RBFOX1: variants seen among roughly 807,000 people sequenced by gnomAD.
RBFOX1 encodes the protein RNA binding protein fox-1 homolog 1.
RBFOX1 carries 8 observed loss-of-function variants against 57.7 expected under a neutral mutation model. The ratio of observed to expected loss-of-function variants is 0.14; its 90% confidence interval spans 0.08 to 0.25. RBFOX1 has a LOEUF of 0.25. RBFOX1 is among the 10% of genes least tolerant of loss of function. RBFOX1 has a pLI of 1.00. For synonymous variants in RBFOX1, 326 were observed against 222.4 expected, an observed-to-expected ratio of 1.47 and a Z score of -4.15; for missense variants, 611 against 548.5, an observed-to-expected ratio of 1.11 and a Z score of -1.14.
At chr16:6,163,396 C>G (rs183627785) in intron 1 of RBFOX1, among the ~76,000 whole-genome samples, 8 of 152,296 alleles carry the variant, frequency 5.3e-5, no homozygotes, top group Admixed American at 4.6e-4. Flanking sequence ...ACAAAGGAAT[C>G]CTGTTTGAGC....
intron 3 of RBFOX1, among the ~76,000 whole-genome samples, chr16:5,726,632 A>G (rs2052162157): frequency 6.6e-6 from 1 of 152,156 alleles, no homozygotes; most frequent in African/African-American, 2.4e-5. Flanking sequence ...TTTGCTCTTG[A>G]CCTGTACACT....
chr16:6,542,699 A>G (rs2096839970), intron 2 of RBFOX1, among the ~76,000 whole-genome samples: 1 of 151,468 alleles, frequency 6.6e-6, no homozygotes, highest in African/African-American at 2.4e-5. Flanking sequence ...TCACTGTGTT[A>G]GCCAGGATGG....
chr16:6,443,303 C>G (rs1424300769), intron 2 of RBFOX1, among the ~76,000 whole-genome samples: 1 of 152,168 alleles, frequency 6.6e-6, no homozygotes, highest in East Asian at 1.9e-4. Context: ...CGTTCATTCT[C>G]TTTTCCCTAC....
At chr16:6,773,851 A>G (rs751658894) in intron 3 of RBFOX1, 1 of 534,228 alleles carries the variant, frequency 1.9e-6, no homozygotes, top group South Asian at 8.2e-5. Context: ...TTGTGTGTAT[A>G]TATGTGTGGA....
intron 4 of RBFOX1, among the ~76,000 whole-genome samples, chr16:7,409,223 G>C (rs2098396537): frequency 6.6e-6 from 1 of 152,202 alleles, no homozygotes; most frequent in South Asian, 2.1e-4. Flanking sequence ...TCTCTCTGAT[G>C]TGGTCTTATC....
intron 4 of RBFOX1, among the ~76,000 whole-genome samples, chr16:5,958,881 G>T (rs373350876): frequency 6.6e-6 from 1 of 152,150 alleles, no homozygotes; most frequent in African/African-American, 2.4e-5. Context: ...GGGGACCCTT[G>T]AGATTGCAAC....
intron 4 of RBFOX1, among the ~76,000 whole-genome samples, chr16:7,233,458 T>C (rs1415018126): frequency 6.6e-6 from 1 of 152,230 alleles, no homozygotes; most frequent in Non-Finnish European, 1.5e-5. Context: ...AGCTCTGCTG[T>C]TGAACACAAT....
chr16:5,367,183 T>C (rs1567397078), intron 1 of RBFOX1, among the ~76,000 whole-genome samples: 1 of 152,226 alleles, frequency 6.6e-6, no homozygotes, highest in African/African-American at 2.4e-5. Context: ...ATACAGAATA[T>C]AATTATTTCC....
intron 4 of RBFOX1, among the ~76,000 whole-genome samples, chr16:7,406,007 C>T (rs559285220): frequency 1.3e-5 from 2 of 152,124 alleles, no homozygotes; most frequent in Non-Finnish European, 2.9e-5. Flanking sequence ...GATCCTGCAA[C>T]ACACAGAGCA....
chr16:7,399,158 C>T (rs576782309), intron 4 of RBFOX1, among the ~76,000 whole-genome samples: 2 of 152,258 alleles, frequency 1.3e-5, no homozygotes, highest in East Asian at 1.9e-4. Flanking sequence ...TTTTAAAAAG[C>T]AATGTCGGGC....
intron 3 of RBFOX1, among the ~76,000 whole-genome samples, chr16:6,949,483 G>A (rs923058902): frequency 4.6e-5 from 7 of 152,176 alleles, no homozygotes; most frequent in Non-Finnish European, 8.8e-5. Flanking sequence ...CTGGAGGCTG[G>A]AAATCTAAAG....
intron 2 of RBFOX1, among the ~76,000 whole-genome samples, chr16:6,578,289 T>A (rs1263175585): frequency 6.6e-6 from 1 of 152,132 alleles, no homozygotes; most frequent in African/African-American, 2.4e-5. Context: ...TGGCCTAAAA[T>A]GGATCATCAT....
chr16:7,063,650 C>G (rs1338304155), intron 4 of RBFOX1, among the ~76,000 whole-genome samples: 1 of 152,178 alleles, frequency 6.6e-6, no homozygotes, highest in Non-Finnish European at 1.5e-5. Flanking sequence ...CCCTTCATAT[C>G]TGTAGGTTTC....
At chr16:6,694,892 C>T (rs988927373) in intron 3 of RBFOX1, among the ~76,000 whole-genome samples, 3 of 151,756 alleles carry the variant, frequency 2.0e-5, no homozygotes, top group African/African-American at 7.3e-5. Context: ...ACACAGAAGA[C>T]AGCATGCGTG....
At chr16:5,831,647 G>T (rs188936151) in intron 3 of RBFOX1, among the ~76,000 whole-genome samples, 1 of 151,810 alleles carries the variant, frequency 6.6e-6, no homozygotes, top group South Asian at 2.1e-4. Flanking sequence ...CCACCACCAC[G>T]CCTGGCTAAT....
intron 4 of RBFOX1, among the ~76,000 whole-genome samples, chr16:7,392,741 A>G (rs1041049197): frequency 6.6e-6 from 1 of 152,142 alleles, no homozygotes; most frequent in African/African-American, 2.4e-5. Context: ...GGTTTTGGCT[A>G]TTGGTCATTG....
At chr16:6,042,004 C>T (rs144524225) in intron 1 of RBFOX1, among the ~76,000 whole-genome samples, 258 of 152,168 alleles carry the variant, frequency 1.7e-3, no homozygotes, top group African/African-American at 5.9e-3. Context: ...CTGAGACTGT[C>T]GGCATTCCTT....
At chr16:6,201,734 A>G (rs1247172943) in intron 1 of RBFOX1, among the ~76,000 whole-genome samples, 1 of 152,190 alleles carries the variant, frequency 6.6e-6, no homozygotes, top group Non-Finnish European at 1.5e-5. Flanking sequence ...AGTTACCTTA[A>G]TTTGATCCTT....
At chr16:6,479,015 A>G (rs1276576845) in intron 2 of RBFOX1, among the ~76,000 whole-genome samples, 1 of 152,234 alleles carries the variant, frequency 6.6e-6, no homozygotes, top group Admixed American at 6.5e-5. Context: ...GGTTGCCACA[A>G]AACTTCAATT....
Sources: allele counts gnomAD v4.1 joint callset (sites outside exome capture counted in the v4.1 genomes callset), GRCh38; gene constraint gnomAD v4.1.1; transcripts MANE v1.5; gene names NCBI Gene and HGNC (gene_info 2026-07-23, HGNC 2026-07-21).